PSPC1: variants seen among roughly 807,000 people sequenced by gnomAD.
The protein encoded by PSPC1 is paraspeckle protein 1.
PSPC1 carries 14 observed loss-of-function variants against 51.6 expected under a neutral mutation model. The observed-to-expected ratio is 0.27, with a 90% CI of 0.18 to 0.42. The LOEUF (loss-of-function observed/expected upper bound fraction) is 0.42, where lower values mean the gene tolerates loss of function less well. PSPC1 is among the 10% of genes least tolerant of loss of function. PSPC1 has a pLI of 1.00. For synonymous variants in PSPC1, 193 were observed against 231.9 expected, an observed-to-expected ratio of 0.83 and a Z score of 1.53; for missense variants, 406 against 701.1, an observed-to-expected ratio of 0.58 and a Z score of 4.75.
At chr13:19,699,330 T>TC (rs397701660), downstream of PSPC1, 3 of 151,728 alleles carry the variant, frequency 2.0e-5, no homozygotes, top group South Asian at 6.2e-4. Flanking sequence ...CATTTTTTTT[T>TC]CATTATTTCC....
intron 3 of PSPC1, among the ~76,000 whole-genome samples, chr13:19,752,663 G>A (rs1434663022): frequency 6.6e-6 from 1 of 151,560 alleles, no homozygotes; most frequent in Admixed American, 6.6e-5. Context: ...TCAGCTCACT[G>A]CAACCTTCGC....
At chr13:19,671,549 T>C (rs1876126158), downstream of PSPC1, among the ~76,000 whole-genome samples, 1 of 152,148 alleles carries the variant, frequency 6.6e-6, no homozygotes, top group South Asian at 2.1e-4. Flanking sequence ...ATCTAGGCCT[T>C]GGTATGGAGT....
chr13:19,693,503 A>G (rs1215049873), intron 6 of PSPC1, among the ~76,000 whole-genome samples: 1 of 152,240 alleles, frequency 6.6e-6, no homozygotes, highest in Non-Finnish European at 1.5e-5. Context: ...GGAAATTAAG[A>G]TGAATTACTA....
intron 1 of PSPC1, among the ~76,000 whole-genome samples, chr13:19,777,105 G>A (rs1889222914): frequency 8.6e-6 from 1 of 115,782 alleles, no homozygotes; most frequent in Non-Finnish European, 1.8e-5. Context: ...CTGGGTGACA[G>A]CGAGGCTCCA....
At chr13:19,714,955 T>C (rs140719727) in intron 6 of PSPC1, among the ~76,000 whole-genome samples, 9 of 152,336 alleles carry the variant, frequency 5.9e-5, no homozygotes, top group South Asian at 4.1e-4. Flanking sequence ...CTTTCTGCAA[T>C]AGATGGACTG....
chr13:19,750,822 C>T (rs1886470462), intron 4 of PSPC1, among the ~76,000 whole-genome samples: 1 of 151,688 alleles, frequency 6.6e-6, no homozygotes, highest in Non-Finnish European at 1.5e-5. Context: ...CAGGCTGGAG[C>T]ACAATGATGC....
intron 6 of PSPC1, among the ~76,000 whole-genome samples, chr13:19,682,871 G>C (rs1490123108): frequency 6.6e-6 from 1 of 151,588 alleles, no homozygotes; most frequent in African/African-American, 2.4e-5. Flanking sequence ...AGACCAACCT[G>C]GGTAACATAG....
chr13:19,764,312 C>CA (rs2138236891), intron 2 of PSPC1, among the ~76,000 whole-genome samples: 1 of 151,938 alleles, frequency 6.6e-6, no homozygotes, highest in East Asian at 1.9e-4. Flanking sequence ...TTCAGATATC[C>CA]AATGTACTCA....
chr13:19,732,056 G>A (rs888423306), intron 5 of PSPC1, among the ~76,000 whole-genome samples: 4 of 152,110 alleles, frequency 2.6e-5, no homozygotes, highest in African/African-American at 7.2e-5. Flanking sequence ...CAACACTCCC[G>A]CTAAATCTGA....
chr13:19,711,363 G>A (rs1239859572), intron 6 of PSPC1, among the ~76,000 whole-genome samples: 9 of 152,152 alleles, frequency 5.9e-5, no homozygotes, highest in Admixed American at 3.9e-4. Context: ...TAGGTTGGGC[G>A]CGGTGGCTCA....
At chr13:19,747,386 C>T (rs1886103352) in intron 4 of PSPC1, among the ~76,000 whole-genome samples, 1 of 152,134 alleles carries the variant, frequency 6.6e-6, no homozygotes. Flanking sequence ...GGCTGGAGTA[C>T]AGTGGCATAA....
chr13:19,725,166 G>A (rs1322782390), intron 6 of PSPC1, among the ~76,000 whole-genome samples: 4 of 152,124 alleles, frequency 2.6e-5, no homozygotes, highest in Non-Finnish European at 5.9e-5. Flanking sequence ...GACAGAGCAA[G>A]ACTCCATCTC....
chr13:19,681,096 T>C (rs1877220047), intron 6 of PSPC1, among the ~76,000 whole-genome samples: 1 of 152,078 alleles, frequency 6.6e-6, no homozygotes, highest in Non-Finnish European at 1.5e-5. Flanking sequence ...ACACAGGTCG[T>C]CCTGGCTACT....
At chr13:19,709,158 C>CAAAAAAAA (rs11446310) in intron 7 of PSPC1, among the ~76,000 whole-genome samples, 10 of 83,574 alleles carry the variant, frequency 1.2e-4, no homozygotes, top group African/African-American at 1.9e-4. Flanking sequence ...GGTCCTGCCT[C>CAAAAAAAA]AAAAAAAAAA....
At chr13:19,755,449 A>G (rs1360065787) in intron 3 of PSPC1, among the ~76,000 whole-genome samples, 1 of 151,956 alleles carries the variant, frequency 6.6e-6, no homozygotes, top group East Asian at 1.9e-4. Context: ...TTAGCTGAGC[A>G]TGGTTATGTG....
chr13:19,702,223 T>C (rs560911411), downstream of PSPC1, among the ~76,000 whole-genome samples: 10 of 152,316 alleles, frequency 6.6e-5, no homozygotes, highest in East Asian at 1.9e-4. Flanking sequence ...AATGTCCAAA[T>C]TTTAGGGAAA....
At chr13:19,673,563 C>CTGAT (rs1188627464), downstream of PSPC1, 2 of 169,890 alleles carry the variant, frequency 1.2e-5, no homozygotes, top group East Asian at 3.3e-4. Context: ...TGTAGTATAT[C>CTGAT]TGATTTCATA....
At chr13:19,765,798 G>A (rs942604616) in intron 2 of PSPC1, among the ~76,000 whole-genome samples, 1 of 152,062 alleles carries the variant, frequency 6.6e-6, no homozygotes, top group Non-Finnish European at 1.5e-5. Flanking sequence ...AGTATATCAA[G>A]GGTTAATGTT....
At position 19,782,713 on chromosome 13, in the gene PSPC1, G is replaced by A; in HGVS notation, c.45C>T (p.Asn15=). The A allele has an allele frequency of 6.4e-7, 1 of 1,569,772 alleles. No individual in the cohort carries two copies. Among genetic ancestry groups the A allele is most frequent in the African/African-American group, 1.4e-5 (1 of 70,682 alleles). The change falls in exon 1 of 9, where the codon AAC becomes AAT. Residue 15 remains asparagine (N), a synonymous_variant. Transcript: ENST00000338910. The surrounding 1 kb of genome is among the most constrained non-coding windows in gnomAD (Gnocchi z 4.5). ...GNLKQVRIEK[N]PARLRALESA... Reference sequence around the variant, plus strand: ...ACTCCAGGGCGCGAAGGCGGGCCGGGTTTTTCTCAATGCGCACTTGCTTCA... The same window carrying A: ...ACTCCAGGGCGCGAAGGCGGGCCGGATTTTTCTCAATGCGCACTTGCTTCA...
Sources: gnomAD v4.1 joint callset for allele counts (sites outside exome capture counted in the v4.1 genomes callset) on GRCh38, gnomAD v4.1.1 for gene constraint, Gnocchi (gnomAD v3.1) non-coding constraint, MANE v1.5 for transcripts, NCBI Gene and HGNC (gene_info 2026-07-23, HGNC 2026-07-21) for gene names.